PCDHA8: variants seen among roughly 807,000 people sequenced by gnomAD.
PCDHA8 encodes the protein protocadherin alpha-8.
Under a neutral mutation model 61.8 loss-of-function variants are expected in PCDHA8, and 53 were observed. The observed-to-expected ratio is 0.86, with a 90% CI of 0.69 to 1.08. PCDHA8 has a LOEUF of 1.08. Among genes scored for constraint, PCDHA8 ranks in the 50% least tolerant of loss-of-function variants. The pLI is 0.00. For synonymous variants in PCDHA8, 618 were observed against 556.6 expected (o/e 1.11, Z -1.55); for missense variants, 1,293 against 1,245.0 (o/e 1.04, Z -0.58).
rs186232239 is a variant in PCDHA8, at chr5:140,924,849, C to T, written c.2395-54100C>T. On this transcript the variant is annotated intron_variant, in intron 1 of 3. Coordinates refer to ENST00000531613, the MANE Select transcript of PCDHA8 (RefSeq NM_018911.3). ...GGGGGAGGTTGCAGGGAGCTCAGAT[C>T]GTGCCACTGCACTCCAGCCTGGGTG... 8.0e-3 allele frequency among the ~76,000 whole-genome samples: 1,208 copies of T among 150,322 alleles called. 6 individuals are homozygous for T. Among genetic ancestry groups the T allele is most frequent in the African/African-American group, 0.019 (780 of 40,670 alleles).
In PCDHA8 at chr5:140,927,151, T is replaced by C. The variant is rs781865588; in HGVS notation, c.2395-51798T>C. ...AGAGCCGGCGGACCGCGAACAGCTGTGCAGGGCCAAAGCTGCCTGCGTCTT... is the reference window on the plus strand; with the variant it reads ...AGAGCCGGCGGACCGCGAACAGCTGCGCAGGGCCAAAGCTGCCTGCGTCTT... On this transcript the variant is annotated intron_variant, in intron 1 of 3. Coordinates refer to ENST00000531613, the MANE Select transcript of PCDHA8 (RefSeq NM_018911.3). 15 of 1,614,128 alleles carry C rather than the reference T, an allele frequency of 9.3e-6. No homozygotes were observed. In the East Asian group the frequency reaches 3.3e-4, roughly 36 times the overall value.
At chr5:140,869,203 TC>T in intron 1 of PCDHA8, 30 of 1,614,000 alleles carry the variant, frequency 1.9e-5, no homozygotes, top group Non-Finnish European at 2.5e-5. Flanking sequence ...GCTCCACTAC[TC>T]CGTCTCGGAG....
At chr5:140,870,392 G>T in intron 1 of PCDHA8, 1 of 1,614,254 alleles carries the variant, frequency 6.2e-7, no homozygotes, top group Non-Finnish European at 8.5e-7. Context: ...CGGGATGGGG[G>T]TTCGCCTTCT....
intron 1 of PCDHA8, chr5:140,852,892 T>C: frequency 1.1e-6 from 1 of 911,000 alleles, no homozygotes; most frequent in Non-Finnish European, 1.3e-6. Context: ...CGTATTTTTT[T>C]TTTTGAGTCA....
chr5:140,877,023 G>A (rs1554169254), intron 1 of PCDHA8: 2 of 1,612,456 alleles, frequency 1.2e-6, no homozygotes, highest in Non-Finnish European at 1.7e-6. Flanking sequence ...GCGGCAAGGT[G>A]TACGCGCTGC....
intron 1 of PCDHA8, among the ~76,000 whole-genome samples, chr5:140,895,496 T>A (rs1364776623): frequency 1.3e-5 from 2 of 152,216 alleles, no homozygotes; most frequent in African/African-American, 4.8e-5. Flanking sequence ...TATTCAGAAC[T>A]TTTGCCCAAT....
intron 1 of PCDHA8, chr5:140,877,486 A>G: frequency 3.7e-6 from 6 of 1,613,722 alleles, no homozygotes; most frequent in Non-Finnish European, 5.1e-6. Flanking sequence ...GCTGGTGGAG[A>G]ACGGCCAGGC....
intron 1 of PCDHA8, among the ~76,000 whole-genome samples, chr5:140,964,434 G>A (rs1332567720): frequency 6.6e-6 from 1 of 152,104 alleles, no homozygotes; most frequent in Non-Finnish European, 1.5e-5. Context: ...AAATTACCAA[G>A]CCTCTGCCAC....
intron 1 of PCDHA8, among the ~76,000 whole-genome samples, chr5:140,910,495 T>C (rs782513326): frequency 1.3e-5 from 2 of 152,176 alleles, no homozygotes; most frequent in Non-Finnish European, 2.9e-5. Flanking sequence ...AGAAGAGCAA[T>C]CACAAAGCTC....
At chr5:140,966,710 G>C in intron 1 of PCDHA8, 1 of 1,391,664 alleles carries the variant, frequency 7.2e-7, no homozygotes, top group African/African-American at 1.5e-5. Context: ...GTGGGGCACG[G>C]CTGGGGAAGC....
At chr5:140,926,925 G>A (rs1554203816) in intron 1 of PCDHA8, 1 of 1,574,118 alleles carries the variant, frequency 6.4e-7, no homozygotes, top group Admixed American at 1.8e-5. Flanking sequence ...TTTTATGTTT[G>A]TGGGTTTCCT....
chr5:140,845,764 A>C lies in PCDHA8; in HGVS notation c.2394+2049A>C, dbSNP rs2150380946. 2.6e-4 allele frequency among the ~76,000 whole-genome samples: 39 copies of C among 149,790 alleles called. 2 individuals carry two copies. Among genetic ancestry groups the C allele is most frequent in the African/African-American group, 9.3e-4 (38 of 40,978 alleles). ...TAGATTTATTTGTATCAAGTAAGTT[A>C]ATAGTTATAAATTATTAATAATAAA... On this transcript the variant is annotated intron_variant, in intron 1 of 3. Transcript: ENST00000531613.
chr5:140,881,232 C>A, intron 1 of PCDHA8: 2 of 318,074 alleles, frequency 6.3e-6, no homozygotes, highest in Non-Finnish European at 9.1e-6. Context: ...AAATTAAAGT[C>A]AATTTAAATG....
At position 140,882,588 on chromosome 5, in the gene PCDHA8, A is replaced by G; in HGVS notation, c.2394+38873A>G. The G allele has an allele frequency of 1.2e-6, 2 of 1,614,186 alleles. No homozygotes were observed. Among genetic ancestry groups the G allele is most frequent in the African/African-American group, 1.3e-5 (1 of 75,040 alleles). ...AGCGCGGAGTGCAGCATCCACCTGG[A>G]GGTGATCGTGGACAGGCCTCTGCAG... On this transcript the variant is annotated intron_variant, in intron 1 of 3. Coordinates refer to ENST00000531613, the MANE Select transcript of PCDHA8 (RefSeq NM_018911.3).
At chr5:140,884,281 G>C in intron 1 of PCDHA8, 4 of 1,613,614 alleles carry the variant, frequency 2.5e-6, no homozygotes, top group Non-Finnish European at 3.4e-6. Flanking sequence ...CGCTGGTGGA[G>C]AGCGGCCAAG....
intron 1 of PCDHA8, among the ~76,000 whole-genome samples, chr5:140,855,303 A>C (rs1045706471): frequency 6.7e-6 from 1 of 149,854 alleles, no homozygotes; most frequent in Admixed American, 6.7e-5. Context: ...CAAAGTTATA[A>C]AATTGGAACA....
intron 3 of PCDHA8, among the ~76,000 whole-genome samples, chr5:140,995,405 T>G (rs1203404732): frequency 2.6e-5 from 4 of 152,154 alleles, no homozygotes; most frequent in African/African-American, 9.7e-5. Context: ...TGGCTCGAGA[T>G]TTCATCACAT....
At chr5:140,945,366 T>A (rs1367581632) in intron 1 of PCDHA8, among the ~76,000 whole-genome samples, 6 of 152,036 alleles carry the variant, frequency 3.9e-5, no homozygotes, top group Non-Finnish European at 8.8e-5. Context: ...GTTTAAAATG[T>A]CCATATTACC....
At chr5:140,928,208 A>AT (rs1436614514) in intron 1 of PCDHA8, 2 of 1,614,110 alleles carry the variant, frequency 1.2e-6, no homozygotes, top group Non-Finnish European at 1.7e-6. Flanking sequence ...GCTGATGTGA[A>AT]TGACAATACA....
Sources: allele counts gnomAD v4.1 joint callset (sites outside exome capture counted in the v4.1 genomes callset), GRCh38; gene constraint gnomAD v4.1.1; transcripts MANE v1.5; gene names NCBI Gene and HGNC (gene_info 2026-07-23, HGNC 2026-07-21).